SNRK: variants seen among roughly 807,000 people sequenced by gnomAD.
The protein encoded by SNRK is SNF related kinase, also known as SNF-related serine/threonine-protein kinase.
Under a neutral mutation model 48.2 loss-of-function variants are expected in SNRK, and 3 were observed. The ratio of observed to expected loss-of-function variants is 0.06; its 90% CI spans 0.03 to 0.16. The LOEUF is 0.16. SNRK is among the 10% of genes least tolerant of loss of function. The pLI, the probability that SNRK is intolerant of heterozygous loss-of-function variation, is 1.00. For missense variants in SNRK, 627 were observed against 976.0 expected, an observed-to-expected ratio of 0.64 and a Z score of 4.76; for synonymous variants, 376 against 366.1, an observed-to-expected ratio of 1.03 and a Z score of -0.31.
intron 1 of SNRK, among the ~76,000 whole-genome samples, chr3:43,295,926 A>G (rs1292145200): frequency 6.6e-6 from 1 of 152,018 alleles, no homozygotes; most frequent in Non-Finnish European, 1.5e-5. Context: ...TTTAATAGAG[A>G]TGGGGTTTCA....
At chr3:43,326,276 GTA>G (rs1491436184) in intron 3 of SNRK, among the ~76,000 whole-genome samples, 1 of 151,866 alleles carries the variant, frequency 6.6e-6, no homozygotes, top group Non-Finnish European at 1.5e-5. Flanking sequence ...TTAGCTTTGT[GTA>G]TGTGTGTGTG....
At position 43,349,768 on chromosome 3, in the gene SNRK, G is replaced by A. The variant is rs1280091115; in HGVS notation, c.*1211G>A. 6.6e-6 allele frequency: 1 copy of A among 152,190 alleles called. No individual in the cohort carries two copies. The highest frequency in any genetic ancestry group is 2.4e-5 in the African/African-American group (1 of 41,436). 9.4% of individuals were successfully genotyped at this position (152,190 alleles called of 1,614,324 possible). A position where few individuals can be genotyped will look rare whatever the true frequency, so the allele number is the denominator to read the frequency against. ...ACTGTTTTTGACCAGATAATCATCT[G>A]TTGTGGCATTCTATCTTGTAGGACA... On this transcript the variant is annotated 3_prime_UTR_variant, in exon 7 of 7. Coordinates refer to ENST00000296088, the MANE Select transcript of SNRK (RefSeq NM_017719.5).
intron 3 of SNRK, among the ~76,000 whole-genome samples, chr3:43,324,190 G>C (rs1575548641): frequency 6.6e-6 from 1 of 152,180 alleles, no homozygotes; most frequent in South Asian, 2.1e-4. Context: ...TGAGGATGGG[G>C]CCCTCCCACA....
intron 3 of SNRK, among the ~76,000 whole-genome samples, chr3:43,313,957 T>G (rs1001770093): frequency 4.6e-5 from 7 of 152,250 alleles, no homozygotes; most frequent in Admixed American, 1.3e-4. Flanking sequence ...TTTTAGTTTT[T>G]AGCAGTAATG....
intron 4 of SNRK, among the ~76,000 whole-genome samples, chr3:43,339,581 G>A (rs920997348): frequency 6.6e-6 from 1 of 151,812 alleles, no homozygotes; most frequent in African/African-American, 2.4e-5. Context: ...ACATTGGAAG[G>A]CCGAGGCGGG....
At chr3:43,338,622 C>T (rs781249106) in intron 4 of SNRK, among the ~76,000 whole-genome samples, 7 of 152,202 alleles carry the variant, frequency 4.6e-5, no homozygotes, top group Non-Finnish European at 1.0e-4. Context: ...GTTTCTTCCT[C>T]ATTTTCTCAT....
Position 43,347,759 on chromosome 3 carries a change from C to T in SNRK, c.1500C>T (p.Asp500=), listed in dbSNP as rs747179057. 1.2e-6 allele frequency: 2 copies of T among 1,614,178 alleles called. No individual in the cohort carries two copies. Among genetic ancestry groups the T allele is most frequent in the South Asian group, 2.2e-5 (2 of 91,082 alleles). ...AAGGGGAATCTGACGATGAGTTTGACATGGATGAGAATCTGCCTCCCAAGT... is the reference window on the plus strand; with the variant it reads ...AAGGGGAATCTGACGATGAGTTTGATATGGATGAGAATCTGCCTCCCAAGT... ...FEEGESDDEF[D]MDENLPPKLS... The change falls in exon 7 of 7, where the codon GAC becomes GAT. Residue 500 remains aspartate, a synonymous_variant. Coordinates refer to ENST00000296088, the MANE Select transcript of SNRK (RefSeq NM_017719.5). This position sits in a 1 kb window ranked among gnomAD's most constrained non-coding sequence, Gnocchi z 5.4.
chr3:43,287,976 T>G (rs1283655498), intron 1 of SNRK, among the ~76,000 whole-genome samples: 2 of 152,224 alleles, frequency 1.3e-5, no homozygotes, highest in Non-Finnish European at 2.9e-5. Context: ...AAGTGATGAT[T>G]AAAGCATACT....
intron 4 of SNRK, chr3:43,333,096 C>A (rs2091159057): frequency 6.6e-6 from 1 of 151,844 alleles, no homozygotes; most frequent in Admixed American, 6.6e-5. Flanking sequence ...TAAATGAAGC[C>A]CCATCTCAGG....
intron 3 of SNRK, among the ~76,000 whole-genome samples, chr3:43,315,698 A>G (rs2091008542): frequency 6.6e-6 from 1 of 152,240 alleles, no homozygotes; most frequent in Non-Finnish European, 1.5e-5. Flanking sequence ...TTTATTAAAA[A>G]TAATACCTGC....
chr3:43,306,092 C>T (rs2090935515), intron 3 of SNRK, among the ~76,000 whole-genome samples: 1 of 152,098 alleles, frequency 6.6e-6, no homozygotes, highest in African/African-American at 2.4e-5. Flanking sequence ...AAGATGTTCA[C>T]CAGTCTGATA....
chr3:43,310,739 T>C (rs2090973032), intron 3 of SNRK, among the ~76,000 whole-genome samples: 1 of 152,222 alleles, frequency 6.6e-6, no homozygotes, highest in Non-Finnish European at 1.5e-5. Flanking sequence ...TTTTTGCTTT[T>C]AAAGTTGTTG....
rs527805341 is a variant in SNRK at position 43,328,485 on chromosome 3, C to T, written c.590-3684C>T. On this transcript the variant is annotated intron_variant, in intron 3 of 6. Coordinates refer to ENST00000296088, the MANE Select transcript of SNRK (RefSeq NM_017719.5). ...TCCTGGGTTCAAGTGATCCTCCCAC[C>T]TTAGGCTTCCTGCTAGCTGGGACTG... Among the ~76,000 whole-genome samples the T allele has an allele frequency of 4.6e-5, 7 of 152,212 alleles. No homozygotes were observed. In the South Asian group the frequency reaches 1.4e-3, roughly 32 times the overall value.
chr3:43,330,150 C>T (rs954112241), intron 3 of SNRK, among the ~76,000 whole-genome samples: 2 of 152,034 alleles, frequency 1.3e-5, no homozygotes, highest in African/African-American at 2.4e-5. Context: ...TATAAGTAGT[C>T]GCATTAAACA....
chr3:43,294,095 C>T (rs1184950557), intron 1 of SNRK, among the ~76,000 whole-genome samples: 2 of 152,014 alleles, frequency 1.3e-5, no homozygotes, highest in African/African-American at 2.4e-5. Context: ...TATTGTAGAC[C>T]TTTAGATGAT....
chr3:43,304,943 T>G, intron 3 of SNRK, among the ~76,000 whole-genome samples: 1 of 152,114 alleles, frequency 6.6e-6, no homozygotes, highest in East Asian at 1.9e-4. Flanking sequence ...GATTTTTGAT[T>G]AATGGAGCCA....
At chr3:43,302,429 A>C (rs568793651) in intron 2 of SNRK, among the ~76,000 whole-genome samples, 6 of 152,246 alleles carry the variant, frequency 3.9e-5, no homozygotes, top group African/African-American at 1.4e-4. Flanking sequence ...CCACTGTTCT[A>C]GGTGTTGGGG....
At position 43,348,316 on chromosome 3, in the gene SNRK, A is replaced by C. The variant is rs1318419924; in HGVS notation, c.2057A>C (p.Lys686Thr). Residue 686 changes from lysine (K) to threonine (T), a missense_variant, in exon 7 of 7, where the codon AAA becomes ACA. Physicochemically the swap from Lys to Thr is moderately conservative, Grantham distance 78. Coordinates refer to ENST00000296088, the MANE Select transcript of SNRK (RefSeq NM_017719.5). ...AAAGTCCAAGAGAAATCTACGTGGA[A>C]AATGTGCATTAGCTCCACAGGGAAT... ...SVKVQEKSTW[K>T]MCISSTGNAG... 2 of 1,613,444 alleles carry C rather than the reference A, an allele frequency of 1.2e-6. No individual in the cohort carries two copies. The highest frequency in any genetic ancestry group is 1.7e-6 in the Non-Finnish European group (2 of 1,179,624).
intron 3 of SNRK, among the ~76,000 whole-genome samples, chr3:43,316,763 C>A (rs1416204399): frequency 6.6e-6 from 1 of 151,238 alleles, no homozygotes; most frequent in Non-Finnish European, 1.5e-5. Context: ...CAAGCTAGAC[C>A]CCCCTCCCCA....
Sources: allele counts gnomAD v4.1 joint callset (sites outside exome capture counted in the v4.1 genomes callset), GRCh38; gene constraint gnomAD v4.1.1; non-coding constraint Gnocchi (gnomAD v3.1); transcripts MANE v1.5; gene names NCBI Gene and HGNC (gene_info 2026-07-23, HGNC 2026-07-21).